The following KIAA2012 variants were observed in gnomAD, a reference collection of about 807,000 sequenced individuals.
The protein encoded by KIAA2012 is uncharacterized protein KIAA2012.
Under a neutral mutation model 150.6 loss-of-function variants are expected in KIAA2012, and 125 were observed. The ratio of observed to expected loss-of-function variants is 0.83; its 90% confidence interval spans 0.72 to 0.96. KIAA2012 has a LOEUF of 0.96. Ranked by LOEUF, KIAA2012 falls within the 40% of genes least tolerant of loss-of-function variation. The pLI is 0.00. For missense variants in KIAA2012, 1,219 were observed against 1,354.9 expected (o/e 0.90, Z 1.57); for synonymous variants, 462 against 504.7 (o/e 0.92, Z 1.13).
At chr2:202,096,079 G>A (rs532031395) in intron 4 of KIAA2012, among the ~76,000 whole-genome samples, 11 of 152,010 alleles carry the variant, frequency 7.2e-5, no homozygotes, top group African/African-American at 1.2e-4. Context: ...GTGAGACTAC[G>A]TCCCCCGCAC....
chr2:202,145,589 T>C (rs1272391226), intron 13 of KIAA2012, among the ~76,000 whole-genome samples: 4 of 151,894 alleles, frequency 2.6e-5, no homozygotes, highest in Non-Finnish European at 5.9e-5. Context: ...TTATGAAAAA[T>C]TTCAAAGATA....
At chr2:202,134,891 G>A (rs1691030052) in intron 12 of KIAA2012, among the ~76,000 whole-genome samples, 1 of 152,246 alleles carries the variant, frequency 6.6e-6, no homozygotes, top group Non-Finnish European at 1.5e-5. Flanking sequence ...AACAAACAAT[G>A]ACCTGGGAAT....
rs376237651 is a variant in KIAA2012 at position 202,097,293 on chromosome 2, T to C, written c.686-142T>C. ...ACTTCCGAGGAGGCACTATCAGAAA[T>C]ACAAAATAAGGGAGGAGGGGGAGCA... is the stretch of plus-strand genomic sequence containing the variant. On this transcript the variant is annotated intron_variant, in intron 4 of 23. Coordinates refer to ENST00000498697, the MANE Select transcript of KIAA2012 (RefSeq NM_001277372.4). The C allele has an allele frequency of 3.5e-5, 48 of 1,359,126 alleles. No individual in the cohort carries two copies. The African/African-American group carries it at 4.4e-4, about 12-fold the overall frequency. 84.2% of individuals were successfully genotyped at this position (1,359,126 alleles called of 1,614,324 possible). A position where few individuals can be genotyped will look rare whatever the true frequency, so the allele number is the denominator to read the frequency against.
In KIAA2012 at chr2:202,097,587, C is replaced by CTTTTT; in HGVS notation, c.828+22_828+26dup. 1.4e-6 allele frequency: 2 copies of CTTTTT among 1,419,304 alleles called. No homozygotes were observed. Among genetic ancestry groups the CTTTTT allele is most frequent in the Non-Finnish European group, 1.9e-6 (2 of 1,068,922 alleles). 87.9% of individuals were successfully genotyped at this position (1,419,304 alleles called of 1,614,324 possible). On this transcript the variant is annotated intron_variant, in intron 5 of 23. Coordinates refer to ENST00000498697, the MANE Select transcript of KIAA2012 (RefSeq NM_001277372.4). The stretch of plus-strand genomic sequence containing the variant: ...TGAAACGCAGGCAGAGGTACCATTT[C>CTTTTT]TTTTTTTTTTTTTTTTCCCCGAGAC...
At chr2:202,202,107 C>T (rs1301612764) in intron 22 of KIAA2012, among the ~76,000 whole-genome samples, 2 of 152,342 alleles carry the variant, frequency 1.3e-5, no homozygotes, top group East Asian at 3.9e-4. Context: ...CTGCCTCTAC[C>T]TCCCAAAGTG....
chr2:202,073,604 GA>G lies in KIAA2012; in HGVS notation c.-23del. The stretch of plus-strand genomic sequence containing the variant: ...TTCAAAACCAAGATGGACTGCCCTT[GA>G]GAAGGGGTGGTCAGAGGGAAACATG... On this transcript the variant is annotated 5_prime_UTR_variant, in exon 1 of 24. It removes the in-frame stop codon of an upstream open reading frame in the 5' UTR. Coordinates refer to ENST00000498697, the MANE Select transcript of KIAA2012 (RefSeq NM_001277372.4). The G allele has an allele frequency of 6.5e-7, 1 of 1,548,844 alleles. No individual in the cohort carries two copies. The highest frequency in any genetic ancestry group is 1.2e-5 in the South Asian group (1 of 83,802).
intron 12 of KIAA2012, among the ~76,000 whole-genome samples, chr2:202,133,142 T>TTTTTTTTTTTTTTTTTC (rs1690996700): frequency 7.9e-6 from 1 of 127,028 alleles, no homozygotes; most frequent in African/African-American, 3.1e-5. Context: ...TTTTTTTTTT[T>TTTTTTTTTTTTTTTTTC]CTGGAGAATG....
chr2:202,078,475 G>A (rs1689374709), intron 2 of KIAA2012, among the ~76,000 whole-genome samples: 1 of 152,012 alleles, frequency 6.6e-6, no homozygotes, highest in Non-Finnish European at 1.5e-5. Flanking sequence ...TTTTTGTAGA[G>A]ATGGGGTCTA....
At position 202,162,508 on chromosome 2, in the gene KIAA2012, C is replaced by T. The variant is rs562173283; in HGVS notation, c.2047-2776C>T. 1.1e-4 allele frequency among the ~76,000 whole-genome samples: 16 copies of T among 151,420 alleles called. No homozygotes were observed. The South Asian group carries it at 1.5e-3, about 14-fold the overall frequency. On this transcript the variant is annotated intron_variant, in intron 14 of 23. Transcript: ENST00000498697. The stretch of plus-strand genomic sequence containing the variant: ...CAGGCTGGTCTCGAACTCCTGACCT[C>T]AGGTGATCCACCCACCTGGGCCTCC...
intron 10 of KIAA2012, among the ~76,000 whole-genome samples, chr2:202,110,874 T>A (rs1690329862): frequency 6.6e-6 from 1 of 152,164 alleles, no homozygotes; most frequent in Admixed American, 6.5e-5. Flanking sequence ...AGATTAATAG[T>A]TCCATTCTGT....
At chr2:202,119,567 C>T (rs1371881321) in intron 11 of KIAA2012, among the ~76,000 whole-genome samples, 1 of 152,172 alleles carries the variant, frequency 6.6e-6, no homozygotes, top group Non-Finnish European at 1.5e-5. Flanking sequence ...CAGATAAAAG[C>T]AGAACTATCT....
chr2:202,119,731 G>A (rs974541357), intron 11 of KIAA2012, among the ~76,000 whole-genome samples: 3 of 152,116 alleles, frequency 2.0e-5, no homozygotes, highest in South Asian at 2.1e-4. Context: ...GGCCAGGCAC[G>A]GTGGCTCATG....
intron 10 of KIAA2012, among the ~76,000 whole-genome samples, chr2:202,112,427 T>A (rs1690389734): frequency 6.6e-6 from 1 of 152,186 alleles, no homozygotes; most frequent in South Asian, 2.1e-4. Context: ...CCAGAAAATA[T>A]AAGTAAGCGT....
At chr2:202,109,585 C>T in intron 9 of KIAA2012, 28 bp from the exon 10 acceptor site, 1 of 1,492,600 alleles carries the variant, frequency 6.7e-7, no homozygotes, top group Non-Finnish European at 8.9e-7. Flanking sequence ...TTTTCTCACA[C>T]AGGCTTTTTC....
At chr2:202,090,573 A>G (rs1331485384) in intron 2 of KIAA2012, among the ~76,000 whole-genome samples, 197 bp from the exon 3 acceptor site, 1 of 152,180 alleles carries the variant, frequency 6.6e-6, no homozygotes, top group Admixed American at 6.5e-5. Flanking sequence ...TCCAACTGCA[A>G]ACCTGCAGGG....
At chr2:202,172,626 CTT>C (rs1389538789) in intron 15 of KIAA2012, among the ~76,000 whole-genome samples, 1 of 152,190 alleles carries the variant, frequency 6.6e-6, no homozygotes, top group East Asian at 1.9e-4. Context: ...GTTTTGAAGA[CTT>C]TTCCTTGGGC....
chr2:202,078,445 T>C (rs1178044441), intron 2 of KIAA2012, among the ~76,000 whole-genome samples: 1 of 152,078 alleles, frequency 6.6e-6, no homozygotes, highest in Non-Finnish European at 1.5e-5. Flanking sequence ...CATGCCACCA[T>C]GCCGGGCCAA....
intron 14 of KIAA2012, among the ~76,000 whole-genome samples, chr2:202,161,375 A>G (rs538391376): frequency 1.3e-5 from 2 of 152,214 alleles, no homozygotes; most frequent in South Asian, 4.2e-4. Flanking sequence ...GAAATTCTTT[A>G]CTGTGTCCCC....
At chr2:202,077,321 G>C (rs1689347613) in intron 2 of KIAA2012, among the ~76,000 whole-genome samples, 1 of 152,202 alleles carries the variant, frequency 6.6e-6, no homozygotes, top group Admixed American at 6.5e-5. Context: ...CCCAGAGTAA[G>C]AATACCTTCC....
Sources: allele counts gnomAD v4.1 joint callset (sites outside exome capture counted in the v4.1 genomes callset), GRCh38; gene constraint gnomAD v4.1.1; transcripts MANE v1.5; gene names NCBI Gene and HGNC (gene_info 2026-07-23, HGNC 2026-07-21).